CACNA1C: variants seen among roughly 807,000 people sequenced by gnomAD.
CACNA1C encodes the protein voltage-dependent L-type calcium channel subunit alpha-1C.
CACNA1C carries 30 observed loss-of-function variants against 229.0 expected under a neutral mutation model. The observed-to-expected ratio is 0.13, with a 90% CI of 0.10 to 0.18. The LOEUF is 0.18. CACNA1C is among the 10% of genes least tolerant of loss of function. The pLI, the probability that CACNA1C is intolerant of heterozygous loss-of-function variation, is 1.00. For synonymous variants in CACNA1C, 1,114 were observed against 1,132.5 expected (o/e 0.98, Z 0.33); for missense variants, 1,658 against 2,845.0 (o/e 0.58, Z 9.49).
At chr12:2,167,021 C>T (rs933487883) in intron 3 of CACNA1C, among the ~76,000 whole-genome samples, 2 of 152,232 alleles carry the variant, frequency 1.3e-5, no homozygotes, top group Non-Finnish European at 2.9e-5. Flanking sequence ...GTCAACAATA[C>T]TCAAGCTTTT....
intron 3 of CACNA1C, among the ~76,000 whole-genome samples, chr12:2,304,403 A>G (rs1002071975): frequency 1.3e-5 from 2 of 152,210 alleles, no homozygotes; most frequent in African/African-American, 4.8e-5. Flanking sequence ...CAGCAGCAAC[A>G]TAAATAGCAC....
intron 5 of CACNA1C, among the ~76,000 whole-genome samples, chr12:2,474,686 G>T (rs2099613368): frequency 6.6e-6 from 1 of 151,446 alleles, no homozygotes; most frequent in Non-Finnish European, 1.5e-5. Flanking sequence ...AACCTGGGAG[G>T]CGCAGGTTGC....
intron 3 of CACNA1C, among the ~76,000 whole-genome samples, chr12:2,304,220 G>A (rs1439013028): frequency 1.3e-5 from 2 of 152,136 alleles, no homozygotes; most frequent in Non-Finnish European, 1.5e-5. Flanking sequence ...ATTCCAGTGG[G>A]CTGCCAGCCG....
In CACNA1C at chr12:2,120,766, C is replaced by T. The variant is rs11832195; in HGVS notation, c.477+336C>T. 0.034 allele frequency among the ~76,000 whole-genome samples: 5,167 copies of T among 151,488 alleles called. 301 individuals carry two copies. The highest frequency in any genetic ancestry group is 0.12 in the African/African-American group (4,858 of 41,174). ...TTGTGAGTGCAGGTGTTCGCTGCAG[C>T]GAACATCTGTTCTTGGATTGTGTTG... is the stretch of plus-strand genomic sequence containing the variant. On this transcript the variant is annotated intron_variant, in intron 3 of 46. Transcript: ENST00000399655.
In CACNA1C at chr12:2,380,025, C is replaced by T. The variant is rs537435330; in HGVS notation, c.478-68951C>T. On this transcript the variant is annotated intron_variant, in intron 3 of 46. Transcript: ENST00000399655. The stretch of plus-strand genomic sequence containing the variant: ...CAGCCTGGGCGACAGAGCGAGACTC[C>T]GTCTCAAAAAAAAAAAAAAGACATA... Among the ~76,000 whole-genome samples the T allele has an allele frequency of 4.1e-3, 248 of 60,980 alleles. 1 individual carries two copies. The highest frequency in any genetic ancestry group is 0.015 in the Middle Eastern group (2 of 136). The allele number at this position is 60,980 out of a possible 152,430, so 40.0% of individuals were successfully genotyped here.
chr12:2,053,615 A>AGGCT lies in CACNA1C; in HGVS notation c.49+7_49+10dup. On this transcript the variant is annotated splice_donor_region_variant and intron_variant, in intron 1 of 46. Coordinates refer to ENST00000399655, the MANE Select transcript of CACNA1C (RefSeq NM_000719.7). The surrounding 1 kb of genome is among the most constrained non-coding windows in gnomAD (Gnocchi z 5.8). Reference sequence around the variant, plus strand: ...ATTCCAGAGGAAAACCACCAAGGTAAGGCTGGACCCCGCCGCCTCGCCGGG... The same window carrying AGGCT: ...ATTCCAGAGGAAAACCACCAAGGTAAGGCTGGCTGGACCCCGCCGCCTCGCCGGG... The AGGCT allele has an allele frequency of 6.3e-7, 1 of 1,584,600 alleles. No individual in the cohort carries two copies. The highest frequency in any genetic ancestry group is 8.6e-7 in the Non-Finnish European group (1 of 1,165,432).
At chr12:2,477,408 G>A (rs1170295605) in intron 5 of CACNA1C, among the ~76,000 whole-genome samples, 2 of 152,192 alleles carry the variant, frequency 1.3e-5, no homozygotes, top group Non-Finnish European at 1.5e-5. Context: ...CCCTCCAGGT[G>A]GAATACCTCC....
chr12:2,092,678 G>A (rs2071769386), intron 1 of CACNA1C, among the ~76,000 whole-genome samples: 1 of 152,158 alleles, frequency 6.6e-6, no homozygotes, highest in Admixed American at 6.5e-5. Context: ...AAGGGAGAAT[G>A]TTGACTTGAA....
intron 1 of CACNA1C, among the ~76,000 whole-genome samples, chr12:2,021,691 G>A (rs1012489692): frequency 3.3e-5 from 5 of 151,730 alleles, no homozygotes; most frequent in African/African-American, 9.7e-5. Context: ...AAAAAAAAAA[G>A]ACATCTTTTC....
At chr12:2,222,977 T>G (rs940119755) in intron 3 of CACNA1C, among the ~76,000 whole-genome samples, 6 of 152,194 alleles carry the variant, frequency 3.9e-5, no homozygotes, top group African/African-American at 1.4e-4. Flanking sequence ...AAGGAGACAT[T>G]TGCTTTTTAA....
At chr12:2,038,351 T>C (rs2049502459) in intron 1 of CACNA1C, among the ~76,000 whole-genome samples, 1 of 152,224 alleles carries the variant, frequency 6.6e-6, no homozygotes, top group South Asian at 2.1e-4. Flanking sequence ...ACTTTTATAA[T>C]CACTAATAGG....
rs1025618556 is a variant in CACNA1C, at chr12:2,653,820, T to C, written c.4075-15T>C. The C allele has an allele frequency of 6.2e-6, 10 of 1,612,826 alleles. No individual in the cohort carries two copies. In the African/African-American group the frequency reaches 1.3e-4, roughly 22 times the overall value. On this transcript the variant is annotated splice_polypyrimidine_tract_variant and intron_variant, in intron 32 of 46. Coordinates refer to ENST00000399655, the MANE Select transcript of CACNA1C (RefSeq NM_000719.7). The surrounding 1 kb of genome is among the most constrained non-coding windows in gnomAD (Gnocchi z 4.7). ...GCACTCCAGCCTCATGGGAGTCTCC[T>C]GCACTTCCTTCCAGGCCCTGCCCTA...
rs538233359 is a variant in CACNA1C, at chr12:2,216,480, G to A, written c.477+96050G>A. Among the ~76,000 whole-genome samples, 3 of 152,290 alleles carry A rather than the reference G, an allele frequency of 2.0e-5. No homozygotes were observed. The Middle Eastern group carries it at 0.01, about 518-fold the overall frequency. The stretch of plus-strand genomic sequence containing the variant: ...GGAATGCAATCAGTCAAACAACTAG[G>A]GCAATTGACTGGTTATCAAACCCTC... On this transcript the variant is annotated intron_variant, in intron 3 of 46. Coordinates refer to ENST00000399655, the MANE Select transcript of CACNA1C (RefSeq NM_000719.7).
chr12:2,685,276 T>C (rs2097391772), intron 43 of CACNA1C, among the ~76,000 whole-genome samples: 1 of 150,394 alleles, frequency 6.6e-6, no homozygotes, highest in African/African-American at 2.5e-5. Context: ...TGTAGGCAGC[T>C]GCTTATGTGC....
At chr12:2,230,487 G>A (rs2064700762) in intron 3 of CACNA1C, among the ~76,000 whole-genome samples, 1 of 152,230 alleles carries the variant, frequency 6.6e-6, no homozygotes, top group South Asian at 2.1e-4. Flanking sequence ...AAAGCTGAGG[G>A]TAGAACCTGA....
chr12:2,664,912 C>T lies in CACNA1C; in HGVS notation c.4320C>T (p.Ser1440=). ...CCCCAGAGTCCGAGCCCAGCAACAG[C>T]ACGGAGGGTGAAACACCCTGTGGTA... ...KCAPESEPSN[S]TEGETPCGSS... is the part of the protein sequence containing the mutation. The change falls in exon 35 of 47, where the codon AGC becomes AGT. Residue 1440 remains serine (S), a synonymous_variant. Coordinates refer to ENST00000399655, the MANE Select transcript of CACNA1C (RefSeq NM_000719.7). The T allele has an allele frequency of 6.2e-7, 1 of 1,613,950 alleles. No individual in the cohort carries two copies. Among genetic ancestry groups the T allele is most frequent in the African/African-American group, 1.3e-5 (1 of 75,054 alleles).
intron 42 of CACNA1C, chr12:2,680,270 C>A: frequency 2.0e-6 from 2 of 991,546 alleles, no homozygotes; most frequent in Non-Finnish European, 2.9e-6. Flanking sequence ...CTGGCCCATT[C>A]TGCCCAGCAC....
intron 9 of CACNA1C, among the ~76,000 whole-genome samples, chr12:2,527,587 G>A (rs2099821875): frequency 6.6e-6 from 1 of 152,078 alleles, no homozygotes; most frequent in African/African-American, 2.4e-5. Flanking sequence ...ACTAACACAT[G>A]CACACACACC....
At chr12:2,530,336 G>C (rs888061253) in intron 9 of CACNA1C, among the ~76,000 whole-genome samples, 1 of 152,198 alleles carries the variant, frequency 6.6e-6, no homozygotes, top group Non-Finnish European at 1.5e-5. Flanking sequence ...CCCAATTGTT[G>C]CATATTGATA....
Sources: gnomAD v4.1 joint callset for allele counts (sites outside exome capture counted in the v4.1 genomes callset) on GRCh38, gnomAD v4.1.1 for gene constraint, Gnocchi (gnomAD v3.1) non-coding constraint, MANE v1.5 for transcripts, NCBI Gene and HGNC (gene_info 2026-07-23, HGNC 2026-07-21) for gene names.